NAALADL2: variants seen among roughly 807,000 people sequenced by gnomAD.
NAALADL2 encodes the protein N-acetylated alpha-linked acidic dipeptidase like 2, also known as inactive N-acetylated-alpha-linked acidic dipeptidase-like protein 2.
A neutral mutation model predicts 87.2 loss-of-function variants in NAALADL2; 76 were observed. The ratio of observed to expected loss-of-function variants is 0.87; its 90% CI spans 0.72 to 1.05. The LOEUF is 1.05. NAALADL2 is among the 50% of genes least tolerant of loss of function. NAALADL2 has a pLI of 0.00. For missense variants in NAALADL2, 1,089 were observed against 945.8 expected (o/e 1.15, Z -1.99); for synonymous variants, 354 against 331.0 (o/e 1.07, Z -0.75).
chr3:174,542,545 A>G (rs1722339342), intron 1 of NAALADL2, among the ~76,000 whole-genome samples: 1 of 152,198 alleles, frequency 6.6e-6, no homozygotes, highest in Non-Finnish European at 1.5e-5. Context: ...AGGTTAAACA[A>G]GCAAGGGACA....
chr3:174,851,980 A>T lies in NAALADL2; in HGVS notation c.-9+114234A>T, dbSNP rs1009946770. Among the ~76,000 whole-genome samples, 5 of 152,266 alleles carry T rather than the reference A, an allele frequency of 3.3e-5. No homozygotes were observed. The East Asian group carries it at 9.6e-4, about 29-fold the overall frequency. ...TAACAGAATGAAGGAGAAAATCTAT[A>T]TGATCCTTTCAATAGATACCCAAAA... On this transcript the variant is annotated intron_variant, in intron 3 of 3. Coordinates refer to the NAALADL2 transcript ENST00000434257.
chr3:175,632,192 C>A (rs888107041), intron 11 of NAALADL2, among the ~76,000 whole-genome samples: 3 of 151,672 alleles, frequency 2.0e-5, no homozygotes, highest in Admixed American at 2.0e-4. Context: ...GGCAGACTTC[C>A]CCCTTATTGT....
chr3:175,694,359 T>G (rs551522783), intron 11 of NAALADL2, among the ~76,000 whole-genome samples: 1 of 152,294 alleles, frequency 6.6e-6, no homozygotes, highest in African/African-American at 2.4e-5. Flanking sequence ...GGGAAATTAT[T>G]TTATTTCTAA....
At chr3:174,482,104 A>G (rs1240929229) in intron 1 of NAALADL2, among the ~76,000 whole-genome samples, 1 of 152,056 alleles carries the variant, frequency 6.6e-6, no homozygotes, top group Non-Finnish European at 1.5e-5. Context: ...CTGCTATATT[A>G]ACTCTTTTCT....
At chr3:175,747,009 C>G (rs941589166) in intron 12 of NAALADL2, among the ~76,000 whole-genome samples, 1 of 152,126 alleles carries the variant, frequency 6.6e-6, no homozygotes, top group Non-Finnish European at 1.5e-5. Context: ...AATGTAAATG[C>G]TATGTAAATA....
At chr3:175,406,604 G>T (rs1484317047) in intron 5 of NAALADL2, among the ~76,000 whole-genome samples, 2 of 152,028 alleles carry the variant, frequency 1.3e-5, no homozygotes, top group Non-Finnish European at 1.5e-5. Flanking sequence ...TTTTGAAAAT[G>T]ATATGGTTAC....
At chr3:175,111,563 AT>A (rs2108498278) in intron 2 of NAALADL2, among the ~76,000 whole-genome samples, 2 of 151,840 alleles carry the variant, frequency 1.3e-5, no homozygotes, top group South Asian at 4.1e-4. Flanking sequence ...TACTGACATA[AT>A]TTTTAGGAAA....
At chr3:175,112,811 T>A (rs1724423907) in intron 2 of NAALADL2, among the ~76,000 whole-genome samples, 1 of 151,660 alleles carries the variant, frequency 6.6e-6, no homozygotes, top group Non-Finnish European at 1.5e-5. Context: ...AATATAGGCA[T>A]AATGACATCA....
chr3:174,651,325 A>G (rs1724339439), intron 2 of NAALADL2, among the ~76,000 whole-genome samples: 1 of 152,132 alleles, frequency 6.6e-6, no homozygotes, highest in African/African-American at 2.4e-5. Flanking sequence ...GAGGAGGACA[A>G]CTCAGTTTAT....
chr3:175,567,495 A>G (rs145204178), intron 9 of NAALADL2, among the ~76,000 whole-genome samples: 4 of 152,264 alleles, frequency 2.6e-5, no homozygotes, highest in Non-Finnish European at 4.4e-5. Flanking sequence ...CCCGATAACA[A>G]GATTAAGGTC....
intron 1 of NAALADL2, among the ~76,000 whole-genome samples, chr3:174,936,629 A>G (rs553165327): frequency 6.6e-6 from 1 of 152,134 alleles, no homozygotes; most frequent in Non-Finnish European, 1.5e-5. Context: ...GTCTGGTCCC[A>G]CAAGATCATA....
At chr3:174,548,774 C>T (rs1367322914) in intron 1 of NAALADL2, among the ~76,000 whole-genome samples, 1 of 152,194 alleles carries the variant, frequency 6.6e-6, no homozygotes, top group Non-Finnish European at 1.5e-5. Context: ...TGAGTCGACT[C>T]TCCCATCTTC....
At chr3:174,517,089 A>G (rs1719978194) in intron 1 of NAALADL2, among the ~76,000 whole-genome samples, 1 of 152,030 alleles carries the variant, frequency 6.6e-6, no homozygotes. Flanking sequence ...TTCATATAGT[A>G]AAACGTATGG....
intron 2 of NAALADL2, among the ~76,000 whole-genome samples, chr3:175,214,301 T>G (rs1028496970): frequency 2.2e-4 from 34 of 152,200 alleles, no homozygotes; most frequent in Non-Finnish European, 4.3e-4. Flanking sequence ...GTGTTACCTT[T>G]TACAACAAAG....
At chr3:174,725,092 C>G (rs757075228) in intron 2 of NAALADL2, among the ~76,000 whole-genome samples, 8 of 152,122 alleles carry the variant, frequency 5.3e-5, no homozygotes, top group Admixed American at 2.0e-4. Context: ...TCCTCACCCC[C>G]CAAAGGAACA....
At position 174,446,356 on chromosome 3, in the gene NAALADL2, T is replaced by A. The variant is rs572233681; in HGVS notation, c.-184+5324T>A. On this transcript the variant is annotated intron_variant, in intron 1 of 3. Transcript: ENST00000434257. ...TTTGTATATAATATCACATGTGAAT[T>A]TTTAAAGTAGTACAAATGGCTTTTT... Among the ~76,000 whole-genome samples, 3 of 152,276 alleles carry A rather than the reference T, an allele frequency of 2.0e-5. No homozygotes were observed. The South Asian group carries it at 6.2e-4, about 32-fold the overall frequency.
intron 1 of NAALADL2, among the ~76,000 whole-genome samples, chr3:174,489,593 G>T (rs78882440): frequency 2.0e-5 from 3 of 151,976 alleles, no homozygotes; most frequent in African/African-American, 7.2e-5. Flanking sequence ...ATATCTTTAA[G>T]AAGGGACTTG....
chr3:174,840,090 T>G (rs1420671323), intron 3 of NAALADL2, among the ~76,000 whole-genome samples: 1 of 151,710 alleles, frequency 6.6e-6, no homozygotes, highest in Non-Finnish European at 1.5e-5. Context: ...TACAAAAATG[T>G]GGAACCAACC....
chr3:175,375,100 A>G (rs1413257583), intron 5 of NAALADL2, among the ~76,000 whole-genome samples: 1 of 152,134 alleles, frequency 6.6e-6, no homozygotes, highest in Non-Finnish European at 1.5e-5. Context: ...TATAAGGTTC[A>G]GTCTACTACT....
Sources: allele counts gnomAD v4.1 joint callset (sites outside exome capture counted in the v4.1 genomes callset), GRCh38; gene constraint gnomAD v4.1.1; transcripts MANE v1.5; gene names NCBI Gene and HGNC (gene_info 2026-07-23, HGNC 2026-07-21).